The following DCUN1D4 variants were observed in gnomAD, a reference collection of about 807,000 sequenced individuals.
DCUN1D4 encodes the protein DCN1-like protein 4.
Under a neutral mutation model 47.9 loss-of-function variants are expected in DCUN1D4, and 22 were observed. That is an observed-to-expected ratio of 0.46 (90% confidence interval 0.33 to 0.66). The LOEUF (loss-of-function observed/expected upper bound fraction) is 0.66, where lower values mean the gene tolerates loss of function less well. DCUN1D4 is among the 30% of genes least tolerant of loss of function. The probability of loss-of-function intolerance (pLI) is 0.02; values close to 1 mark genes in which losing one functional copy is unlikely to be tolerated. For synonymous variants in DCUN1D4, 121 were observed against 112.2 expected (o/e 1.08, Z -0.50); for missense variants, 301 against 340.8 (o/e 0.88, Z 0.92).
intron 1 of DCUN1D4, among the ~76,000 whole-genome samples, chr4:51,849,722 T>G (rs1386319861): frequency 6.6e-6 from 1 of 152,108 alleles, no homozygotes; most frequent in Admixed American, 6.5e-5. Context: ...TCTTTACTGC[T>G]GCTTTTTCCT....
chr4:51,913,471 C>CTAA, intron 10 of DCUN1D4, 58 bp from the exon 11 acceptor site: 6 of 1,559,200 alleles, frequency 3.8e-6, no homozygotes, highest in Non-Finnish European at 5.3e-6. Context: ...AGCTACATTA[C>CTAA]TATTATTATT....
intron 8 of DCUN1D4, among the ~76,000 whole-genome samples, chr4:51,908,068 A>G (rs988778180): frequency 6.6e-6 from 1 of 152,200 alleles, no homozygotes; most frequent in Non-Finnish European, 1.5e-5. Context: ...TATTTATTCC[A>G]TTTATAAAAT....
At position 51,890,380 on chromosome 4, in the gene DCUN1D4, G is replaced by A. The variant is rs141811285; in HGVS notation, c.415-1380G>A. Among the ~76,000 whole-genome samples, 423 of 152,284 alleles carry A rather than the reference G, an allele frequency of 2.8e-3. 2 individuals are homozygous for A. The highest frequency in any genetic ancestry group is 9.7e-3 in the African/African-American group (404 of 41,564). On this transcript the variant is annotated intron_variant, in intron 6 of 10. Coordinates refer to ENST00000334635, the MANE Select transcript of DCUN1D4 (RefSeq NM_001040402.3). ...TGGTTCTTTCAGTAGCTGAAATGAA[G>A]CCTTAGGCTCTACGTAAAGAGATCA...
At chr4:51,852,936 A>G (rs1723582431) in intron 1 of DCUN1D4, among the ~76,000 whole-genome samples, 1 of 152,188 alleles carries the variant, frequency 6.6e-6, no homozygotes, top group South Asian at 2.1e-4. Context: ...ATTTAACATT[A>G]GTGAGATGGA....
chr4:51,853,427 G>T (rs1723659168), intron 1 of DCUN1D4, among the ~76,000 whole-genome samples: 1 of 152,118 alleles, frequency 6.6e-6, no homozygotes, highest in Non-Finnish European at 1.5e-5. Flanking sequence ...AATTCTTTTG[G>T]TTTTTACCCT....
intron 1 of DCUN1D4, 125 bp downstream of exon 1, chr4:51,843,392 C>G: frequency 7.6e-7 from 1 of 1,314,336 alleles, no homozygotes; most frequent in South Asian, 1.8e-5. Flanking sequence ...GCCTGGGAAC[C>G]ACCCCTTCCC....
At chr4:51,872,518 C>T (rs963979667) in intron 3 of DCUN1D4, among the ~76,000 whole-genome samples, 3 of 152,188 alleles carry the variant, frequency 2.0e-5, no homozygotes, top group African/African-American at 4.8e-5. Context: ...AGTTGACCTC[C>T]GTGCTGCAAT....
At chr4:51,884,903 CAA>C (rs982687857) in intron 5 of DCUN1D4, 4 of 152,256 alleles carry the variant, frequency 2.6e-5, no homozygotes, top group African/African-American at 7.2e-5. Flanking sequence ...GGCAGAGACA[CAA>C]AGAGTAATAC....
At chr4:51,883,989 ATATT>A (rs1266986129) in intron 5 of DCUN1D4, among the ~76,000 whole-genome samples, 1 of 148,400 alleles carries the variant, frequency 6.7e-6, no homozygotes. Flanking sequence ...ATAAATATAT[ATATT>A]TATATATAAA....
upstream of DCUN1D4, among the ~76,000 whole-genome samples, chr4:51,842,663 C>T (rs944403375): frequency 1.3e-5 from 2 of 152,222 alleles, no homozygotes; most frequent in Non-Finnish European, 2.9e-5. Flanking sequence ...GGCCGCGTCG[C>T]GCCGGGCGCT....
chr4:51,843,439 G>C (rs1433928941), intron 1 of DCUN1D4, 172 bp downstream of exon 1: 2 of 1,259,426 alleles, frequency 1.6e-6, no homozygotes, highest in Non-Finnish European at 2.0e-6. Flanking sequence ...GCTGCGGGCG[G>C]CGTGGGGCGG....
intron 3 of DCUN1D4, among the ~76,000 whole-genome samples, chr4:51,872,750 T>C (rs1317795555): frequency 2.0e-5 from 3 of 152,234 alleles, no homozygotes; most frequent in Non-Finnish European, 4.4e-5. Context: ...TGACTTGGCT[T>C]TACGTGCTGC....
chr4:51,887,360 A>C, intron 6 of DCUN1D4: 1 of 235,800 alleles, frequency 4.2e-6, no homozygotes, highest in Non-Finnish European at 8.5e-6. Context: ...TCAGCCTCCC[A>C]AAGTGCTGGG....
At chr4:51,839,852 T>TG (rs1259882485), upstream of DCUN1D4, among the ~76,000 whole-genome samples, 1 of 152,180 alleles carries the variant, frequency 6.6e-6, no homozygotes, top group Admixed American at 6.5e-5. Context: ...CATGCTACAG[T>TG]GGGCTTAGCA....
At chr4:51,859,477 G>T (rs1211805531) in intron 1 of DCUN1D4, among the ~76,000 whole-genome samples, 1 of 151,802 alleles carries the variant, frequency 6.6e-6, no homozygotes, top group Admixed American at 6.6e-5. Context: ...GAGAGTCATT[G>T]TCTGAACTTA....
chr4:51,848,311 G>A (rs1449789614), intron 1 of DCUN1D4: 8 of 1,287,512 alleles, frequency 6.2e-6, no homozygotes, highest in Admixed American at 2.3e-5. Context: ...GCACACGTCC[G>A]TTTCTGGTCT....
chr4:51,842,587 A>T (rs1326343987), upstream of DCUN1D4, among the ~76,000 whole-genome samples: 1 of 152,228 alleles, frequency 6.6e-6, no homozygotes. Context: ...GCAGCTGACA[A>T]GAGAAGTCCC....
rs747845422 is a variant in DCUN1D4, at chr4:51,913,612, A to G, written c.*28A>G. The G allele has an allele frequency of 6.2e-7, 1 of 1,602,778 alleles. No homozygotes were observed. The highest frequency in any genetic ancestry group is 8.5e-7 in the Non-Finnish European group (1 of 1,171,502). ...CTTTATGCATAGCAGCGAGAGAGTC[A>G]CTGTTACCACAGTTTTGTCACCCAT... On this transcript the variant is annotated 3_prime_UTR_variant, in exon 11 of 11. Coordinates refer to ENST00000334635, the MANE Select transcript of DCUN1D4 (RefSeq NM_001040402.3).
chr4:51,863,359 ATTTG>A, intron 1 of DCUN1D4, 74 bp from the exon 2 acceptor site: 3 of 1,193,780 alleles, frequency 2.5e-6, no homozygotes, highest in Admixed American at 2.0e-5. Context: ...ATATCAAAAC[ATTTG>A]TTTATTTTCT....
Sources: gnomAD v4.1 joint callset for allele counts (sites outside exome capture counted in the v4.1 genomes callset) on GRCh38, gnomAD v4.1.1 for gene constraint, MANE v1.5 for transcripts, NCBI Gene and HGNC (gene_info 2026-07-23, HGNC 2026-07-21) for gene names.